The following DARS1 variants were observed in gnomAD, a reference collection of about 807,000 sequenced individuals.
DARS1 encodes aspartate--tRNA ligase, cytoplasmic.
A neutral mutation model predicts 68.8 loss-of-function variants in DARS1; 51 were observed. The observed-to-expected ratio is 0.74, with a 90% CI of 0.59 to 0.94. DARS1 has a LOEUF of 0.94. Among genes scored for constraint, DARS1 ranks in the 40% least tolerant of loss-of-function variants. The pLI, the probability that DARS1 is intolerant of heterozygous loss-of-function variation, is 0.00. For missense variants in DARS1, 607 were observed against 597.3 expected (o/e 1.02, Z -0.17); for synonymous variants, 203 against 190.4 (o/e 1.07, Z -0.55).
chr2:135,941,779 T>A (rs1000986461), intron 5 of DARS1, among the ~76,000 whole-genome samples: 8 of 151,050 alleles, frequency 5.3e-5, no homozygotes, highest in African/African-American at 2.0e-4. Flanking sequence ...GGGCTAATAT[T>A]CAGAATCTAC....
At chr2:135,917,821 G>A (rs1469192243) in intron 10 of DARS1, among the ~76,000 whole-genome samples, 2 of 152,074 alleles carry the variant, frequency 1.3e-5, no homozygotes, top group South Asian at 4.1e-4. Flanking sequence ...TTCTTGATTG[G>A]TCTTACAGGC....
intron 12 of DARS1, 144 bp downstream of exon 12, chr2:135,914,325 A>AT (rs1309435703): frequency 1.6e-6 from 1 of 612,872 alleles, no homozygotes; most frequent in Admixed American, 2.7e-5. Flanking sequence ...TAAGAAAAAA[A>AT]TTTTTTTAAT....
chr2:135,952,758 T>A (rs922106373), intron 4 of DARS1, among the ~76,000 whole-genome samples: 2 of 152,246 alleles, frequency 1.3e-5, no homozygotes, highest in East Asian at 3.8e-4. Flanking sequence ...TCCCACACTT[T>A]ATCCATTCAT....
intron 5 of DARS1, among the ~76,000 whole-genome samples, chr2:135,941,018 A>C (rs1177876065): frequency 6.6e-6 from 1 of 152,242 alleles, no homozygotes; most frequent in African/African-American, 2.4e-5. Flanking sequence ...AGAGGACACA[A>C]ACAAATGGAA....
At chr2:135,974,273 A>G (rs1682449796) in intron 3 of DARS1, among the ~76,000 whole-genome samples, 1 of 152,248 alleles carries the variant, frequency 6.6e-6, no homozygotes, top group Non-Finnish European at 1.5e-5. Flanking sequence ...ACTGAGAATG[A>G]CCACAAAAGT....
chr2:135,934,795 A>ATTTT (rs1014128109), intron 5 of DARS1, among the ~76,000 whole-genome samples: 1 of 138,442 alleles, frequency 7.2e-6, no homozygotes, highest in African/African-American at 2.6e-5. Context: ...ACTTGCTATC[A>ATTTT]TTTTTTTTTT....
chr2:135,930,677 A>G (rs1308660814), intron 7 of DARS1, among the ~76,000 whole-genome samples: 2 of 152,210 alleles, frequency 1.3e-5, no homozygotes, highest in African/African-American at 2.4e-5. Context: ...AAAGAAATAG[A>G]CTAATTTTGA....
intron 2 of DARS1, among the ~76,000 whole-genome samples, chr2:135,980,807 C>T (rs989375164): frequency 6.6e-6 from 1 of 152,138 alleles, no homozygotes; most frequent in Admixed American, 6.5e-5. Context: ...AAGAGATATG[C>T]GATAATTAGG....
At chr2:135,982,335 C>T (rs566580718) in intron 2 of DARS1, among the ~76,000 whole-genome samples, 71 of 152,180 alleles carry the variant, frequency 4.7e-4, no homozygotes, top group African/African-American at 1.6e-3. Context: ...TGGCTCACAC[C>T]TGTAATCCTA....
intron 4 of DARS1, among the ~76,000 whole-genome samples, chr2:135,948,024 A>G (rs1681765463): frequency 6.6e-6 from 1 of 152,246 alleles, no homozygotes; most frequent in Admixed American, 6.5e-5. Context: ...AGTTATATTT[A>G]GCCCAGGAGA....
chr2:135,933,803 A>G (rs897562543), intron 6 of DARS1, 107 bp downstream of exon 6: 7 of 1,371,222 alleles, frequency 5.1e-6, no homozygotes, highest in African/African-American at 2.9e-5. Context: ...TTAAATAACA[A>G]TGGAGCTCAA....
intron 5 of DARS1, among the ~76,000 whole-genome samples, chr2:135,938,838 C>CAA (rs202017507): frequency 4.0e-5 from 6 of 150,514 alleles, no homozygotes; most frequent in Admixed American, 1.3e-4. Flanking sequence ...AATGGAAAAC[C>CAA]AAAAAAAACA....
At chr2:135,911,575 TGAAGAGCAA>T (rs1575381381) in intron 13 of DARS1, 82 bp from the exon 14 acceptor site, 2 of 683,860 alleles carry the variant, frequency 2.9e-6, no homozygotes, top group East Asian at 5.2e-5. Context: ...CTCTGCTGCA[TGAAGAGCAA>T]GTTCATTTTT....
intron 11 of DARS1, among the ~76,000 whole-genome samples, chr2:135,915,274 C>A (rs1680980468): frequency 6.6e-6 from 1 of 151,894 alleles, no homozygotes; most frequent in Non-Finnish European, 1.5e-5. Context: ...ATAGAAATTA[C>A]CTTTACATGT....
At chr2:135,911,528 A>C in intron 13 of DARS1, 35 bp from the exon 14 acceptor site, 1 of 819,892 alleles carries the variant, frequency 1.2e-6, no homozygotes, top group Non-Finnish European at 2.1e-6. Flanking sequence ...TCAAGTGACT[A>C]CCATCCTATT....
intron 6 of DARS1, among the ~76,000 whole-genome samples, 185 bp from the exon 7 acceptor site, chr2:135,933,027 A>G (rs1681389157): frequency 6.6e-6 from 1 of 152,216 alleles, no homozygotes; most frequent in Admixed American, 6.5e-5. Flanking sequence ...GCGTTAAAAG[A>G]GAGATGGAAA....
chr2:135,927,677 G>A (rs1055619878), intron 7 of DARS1, among the ~76,000 whole-genome samples: 2 of 152,074 alleles, frequency 1.3e-5, no homozygotes, highest in Admixed American at 6.5e-5. Context: ...AGGGCATGAG[G>A]TAGAAGATAA....
At chr2:135,970,472 G>T (rs1236982712) in intron 3 of DARS1, among the ~76,000 whole-genome samples, 1 of 151,832 alleles carries the variant, frequency 6.6e-6, no homozygotes, top group Non-Finnish European at 1.5e-5. Flanking sequence ...AAACATATGG[G>T]ATACAGTGAA....
At chr2:135,945,678 A>G (rs191332014) in intron 4 of DARS1, among the ~76,000 whole-genome samples, 1 of 152,248 alleles carries the variant, frequency 6.6e-6, no homozygotes, top group African/African-American at 2.4e-5. Flanking sequence ...CAGCTAGTCT[A>G]GAAAACAACT....
Sources: allele counts gnomAD v4.1 joint callset (sites outside exome capture counted in the v4.1 genomes callset), GRCh38; gene constraint gnomAD v4.1.1; transcripts MANE v1.5; gene names NCBI Gene and HGNC (gene_info 2026-07-23, HGNC 2026-07-21).